Variants in PPP1R21 observed in about 807,000 individuals in gnomAD.
PPP1R21 encodes KLRAQ motif containing 1.
In PPP1R21, 85 loss-of-function variants were observed where a neutral mutation model predicts 112.8. The ratio of observed to expected loss-of-function variants is 0.75; its 90% CI spans 0.63 to 0.90. The LOEUF is 0.90. PPP1R21 is among the 40% of genes least tolerant of loss of function. The pLI is 0.00. For synonymous variants in PPP1R21, 381 were observed against 322.3 expected, an observed-to-expected ratio of 1.18 and a Z score of -1.95; for missense variants, 1,199 against 901.5, an observed-to-expected ratio of 1.33 and a Z score of -4.23.
At chr2:48,480,991 C>A (rs1668985054) in intron 13 of PPP1R21, among the ~76,000 whole-genome samples, 1 of 152,060 alleles carries the variant, frequency 6.6e-6, no homozygotes, top group Non-Finnish European at 1.5e-5. Flanking sequence ...TTATAAGGAA[C>A]TTTATAATTT....
intron 1 of PPP1R21, among the ~76,000 whole-genome samples, chr2:48,444,999 C>T (rs1454830636): frequency 3.3e-5 from 5 of 151,890 alleles, no homozygotes; most frequent in African/African-American, 7.3e-5. Flanking sequence ...TACACAGCTA[C>T]TTGTATGGAG....
At chr2:48,493,560 A>G (rs558063518) in intron 15 of PPP1R21, among the ~76,000 whole-genome samples, 1 of 151,082 alleles carries the variant, frequency 6.6e-6, no homozygotes, top group African/African-American at 2.4e-5. Context: ...CAATTTTTAC[A>G]TTTGGACAGG....
At chr2:48,457,245 A>G (rs1326674636) in intron 3 of PPP1R21, among the ~76,000 whole-genome samples, 1 of 152,202 alleles carries the variant, frequency 6.6e-6, no homozygotes, top group Non-Finnish European at 1.5e-5. Context: ...CCCTGAATAC[A>G]TCGTTCTGCA....
chr2:48,461,773 T>G (rs889693889), intron 7 of PPP1R21, among the ~76,000 whole-genome samples: 11 of 152,172 alleles, frequency 7.2e-5, no homozygotes, highest in African/African-American at 2.7e-4. Context: ...AACCTTTAGG[T>G]AAGAAGTCAA....
intron 14 of PPP1R21, 123 bp from the exon 15 acceptor site, chr2:48,490,895 G>A (rs577173057): frequency 2.5e-6 from 2 of 793,828 alleles, no homozygotes; most frequent in Non-Finnish European, 4.0e-6. Context: ...TGGGGCAGGT[G>A]TTGAAATTTC....
At chr2:48,452,265 A>G (rs914033645) in intron 2 of PPP1R21, among the ~76,000 whole-genome samples, 1 of 152,180 alleles carries the variant, frequency 6.6e-6, no homozygotes, top group East Asian at 1.9e-4. Flanking sequence ...AATGGTAGGA[A>G]CAGTGGTAGG....
intron 21 of PPP1R21, 145 bp downstream of exon 21, chr2:48,511,613 G>A: frequency 1.0e-6 from 1 of 961,576 alleles, no homozygotes; most frequent in Non-Finnish European, 1.5e-6. Flanking sequence ...TGTAATCCCA[G>A]TACTTTGGGA....
At chr2:48,485,326 C>T (rs1267446022) in intron 13 of PPP1R21, among the ~76,000 whole-genome samples, 1 of 151,894 alleles carries the variant, frequency 6.6e-6, no homozygotes, top group African/African-American at 2.4e-5. Flanking sequence ...AAACAAAAAG[C>T]ATTCAGCATC....
chr2:48,488,099 AG>A (rs1669391711), intron 14 of PPP1R21, among the ~76,000 whole-genome samples: 1 of 152,162 alleles, frequency 6.6e-6, no homozygotes, highest in African/African-American at 2.4e-5. Flanking sequence ...TAGACATTTC[AG>A]TGTCATATTT....
At chr2:48,482,115 C>G (rs1314191524) in intron 13 of PPP1R21, among the ~76,000 whole-genome samples, 2 of 152,100 alleles carry the variant, frequency 1.3e-5, no homozygotes, top group Non-Finnish European at 2.9e-5. Context: ...GATTCTTAAT[C>G]TATTGGTTGA....
At chr2:48,473,197 G>C (rs1391188796) in intron 11 of PPP1R21, among the ~76,000 whole-genome samples, 1 of 151,754 alleles carries the variant, frequency 6.6e-6, no homozygotes, top group Non-Finnish European at 1.5e-5. Context: ...GCATATGATA[G>C]GATATTAGGA....
At chr2:48,479,299 T>C (rs1005158209) in intron 12 of PPP1R21, among the ~76,000 whole-genome samples, 2 of 152,190 alleles carry the variant, frequency 1.3e-5, no homozygotes, top group African/African-American at 4.8e-5. Flanking sequence ...CTATACCTAT[T>C]GGGAATGGAA....
intron 17 of PPP1R21, among the ~76,000 whole-genome samples, chr2:48,502,941 A>G (rs552917747): frequency 6.6e-6 from 1 of 152,168 alleles, no homozygotes; most frequent in Admixed American, 6.5e-5. Flanking sequence ...CGGCCTCCCA[A>G]AGTGCTGGGA....
intron 9 of PPP1R21, among the ~76,000 whole-genome samples, chr2:48,466,032 C>T (rs1668187117): frequency 2.0e-5 from 3 of 152,110 alleles, no homozygotes; most frequent in African/African-American, 4.8e-5. Context: ...GGGAAACTCC[C>T]ATTTTTAAAA....
At chr2:48,462,276 A>G (rs1668009014) in intron 7 of PPP1R21, among the ~76,000 whole-genome samples, 1 of 152,246 alleles carries the variant, frequency 6.6e-6, no homozygotes, top group Admixed American at 6.5e-5. Flanking sequence ...TAGACAGGTC[A>G]GTAGCATAGG....
At position 48,485,165 on chromosome 2, in the gene PPP1R21, A is replaced by G. The variant is rs375445381; in HGVS notation, c.1319-1466A>G. Among the ~76,000 whole-genome samples, 14 of 152,298 alleles carry G rather than the reference A, an allele frequency of 9.2e-5. No homozygotes were observed. The East Asian group carries it at 1.7e-3, about 19-fold the overall frequency. On this transcript the variant is annotated intron_variant, in intron 13 of 21. Transcript: ENST00000294952. ...AATAGAATTACCATTCGACCCAGCA[A>G]TACCCACTACTGGGTATTAACAATC...
Position 48,498,584 on chromosome 2 carries a change from A to C in PPP1R21, c.1784A>C (p.Lys595Thr). ...CAATTAGCCAAAATCAAGCTAGAGA[A>C]AGAAAACCAGCGAATTGCAGATAAG... ...EAQLAKIKLE[K>T]ENQRIADKLK... is the part of the protein sequence containing the mutation. Residue 595 changes from lysine to threonine, a missense_variant, in exon 17 of 22, where the codon AAA (lysine) becomes ACA (threonine). Transcript: ENST00000294952. The C allele has an allele frequency of 6.2e-7, 1 of 1,614,240 alleles. No homozygotes were observed. The highest frequency in any genetic ancestry group is 8.5e-7 in the Non-Finnish European group (1 of 1,180,030).
chr2:48,513,365 C>T (rs1356192177), intron 21 of PPP1R21, among the ~76,000 whole-genome samples: 2 of 149,040 alleles, frequency 1.3e-5, no homozygotes, highest in African/African-American at 4.9e-5. Context: ...CCACCATGCC[C>T]GGCTAATTTT....
Position 48,440,829 on chromosome 2 carries a change from C to A in PPP1R21, c.-125C>A. On this transcript the variant is annotated 5_prime_UTR_variant, in exon 1 of 22. Transcript: ENST00000294952. The stretch of plus-strand genomic sequence containing the variant: ...GGAGGAGGCGCGGCGGCGGCGGCGG[C>A]GGCGGCTGCGGTGGCCAAGCAGGCA... 2 of 686,424 alleles carry A rather than the reference C, an allele frequency of 2.9e-6. No homozygotes were observed. Among genetic ancestry groups the A allele is most frequent in the Non-Finnish European group, 5.0e-6 (2 of 401,158 alleles). 42.5% of individuals were successfully genotyped at this position (686,424 alleles called of 1,614,324 possible).
Sources: gnomAD v4.1 joint callset for allele counts (sites outside exome capture counted in the v4.1 genomes callset) on GRCh38, gnomAD v4.1.1 for gene constraint, MANE v1.5 for transcripts, NCBI Gene and HGNC (gene_info 2026-07-23, HGNC 2026-07-21) for gene names.